The following TRAF1 variants were observed in gnomAD, a reference collection of about 807,000 sequenced individuals.
The protein encoded by TRAF1 is TNF receptor-associated factor 1.
TRAF1 carries 23 observed loss-of-function variants against 40.9 expected under a neutral mutation model. The observed-to-expected ratio is 0.56, with a 90% CI of 0.40 to 0.80. The LOEUF (loss-of-function observed/expected upper bound fraction) is 0.80. Among genes scored for constraint, TRAF1 ranks in the 30% least tolerant of loss-of-function variants. The pLI is 0.00. For synonymous variants in TRAF1, 206 were observed against 218.8 expected, an observed-to-expected ratio of 0.94 and a Z score of 0.52; for missense variants, 477 against 528.7, an observed-to-expected ratio of 0.90 and a Z score of 0.96.
Position 120,904,864 on chromosome 9 carries a change from G to A in TRAF1, c.*156C>T, listed in dbSNP as rs1228329298. ...AGCCCACGTCCTGCCATCCTAACCA[G>A]ATGGCCAGCCCGAAGTCGACCCCTC... On this transcript the variant is annotated 3_prime_UTR_variant, in exon 8 of 8. Coordinates refer to ENST00000373887, the MANE Select transcript of TRAF1 (RefSeq NM_005658.5). 1 of 767,964 alleles carries A rather than the reference G, an allele frequency of 1.3e-6. No individual in the cohort carries two copies. Among genetic ancestry groups the A allele is most frequent in the East Asian group, 2.7e-5 (1 of 37,232 alleles). The allele number at this position is 767,964 out of a possible 1,614,324, so 47.6% of individuals were successfully genotyped here.
chr9:120,928,753 A>T (rs2046656626), upstream of TRAF1: 1 of 152,234 alleles, frequency 6.6e-6, no homozygotes, highest in Non-Finnish European at 1.5e-5. Flanking sequence ...TGCCGGCGCC[A>T]GCACAGCCCC....
At chr9:120,907,073 G>T (rs1375914217) in intron 7 of TRAF1, among the ~76,000 whole-genome samples, 2 of 152,046 alleles carry the variant, frequency 1.3e-5, no homozygotes, top group African/African-American at 4.8e-5. Flanking sequence ...TTTCGTTATG[G>T]CTGGCCTCGA....
At chr9:120,915,559 C>G (rs2046563649) in intron 3 of TRAF1, among the ~76,000 whole-genome samples, 1 of 152,174 alleles carries the variant, frequency 6.6e-6, no homozygotes, top group Non-Finnish European at 1.5e-5. Flanking sequence ...CAGCCAGGCT[C>G]AGTGGCTCAA....
chr9:120,909,094 T>A, intron 7 of TRAF1, 136 bp downstream of exon 7: 5 of 1,154,034 alleles, frequency 4.3e-6, no homozygotes, highest in Non-Finnish European at 6.1e-6. Context: ...ATCTGATTGT[T>A]TTATAAAAAG....
At chr9:120,905,280 C>T (rs1182306369) in intron 7 of TRAF1, 42 bp from the exon 8 acceptor site, 5 of 1,558,474 alleles carry the variant, frequency 3.2e-6, no homozygotes, top group South Asian at 1.2e-5. Flanking sequence ...CCTACAGCAG[C>T]AGCGCAGCTT....
intron 3 of TRAF1, chr9:120,914,589 C>T (rs879793869): frequency 9.3e-6 from 10 of 1,080,188 alleles, no homozygotes; most frequent in Admixed American, 5.3e-5. Flanking sequence ...TCTCTGGTTG[C>T]CCCGACTGGT....
In TRAF1 at chr9:120,916,643, G is replaced by A. The variant is rs551988149; in HGVS notation, c.229-2343C>T. ...GCTGTGGGCTTAATGAGTACAGTTG[G>A]GTTGAGACACAGAACACAGCCCAGC... is the stretch of plus-strand genomic sequence containing the variant. On this transcript the variant is annotated intron_variant, in intron 3 of 7. Transcript: ENST00000373887. 9.2e-5 allele frequency among the ~76,000 whole-genome samples: 14 copies of A among 152,188 alleles called. No homozygotes were observed. The East Asian group carries it at 2.5e-3, about 27-fold the overall frequency.
chr9:120,914,100 G>A (rs954066656), intron 4 of TRAF1, 135 bp downstream of exon 4: 19 of 737,482 alleles, frequency 2.6e-5, no homozygotes, highest in Non-Finnish European at 3.9e-5. Context: ...TGATGCTTGG[G>A]AAAGTCATTA....
At chr9:120,911,551 C>CTTG in intron 5 of TRAF1, 38 bp from the exon 6 acceptor site, 5 of 1,590,228 alleles carry the variant, frequency 3.1e-6, no homozygotes, top group Non-Finnish European at 4.3e-6. Context: ...CACCAGAACC[C>CTTG]GGCTTGGGGA....
upstream of TRAF1, chr9:120,928,139 C>G (rs991161991): frequency 6.6e-6 from 1 of 152,286 alleles, no homozygotes; most frequent in Non-Finnish European, 1.5e-5. Flanking sequence ...ATCATCCCCA[C>G]CTTACAGATG....
intron 3 of TRAF1, among the ~76,000 whole-genome samples, chr9:120,917,765 T>A (rs747879078): frequency 6.6e-6 from 1 of 151,994 alleles, no homozygotes; most frequent in African/African-American, 2.4e-5. Flanking sequence ...CTCATCTCCC[T>A]CTTCTGAGGA....
chr9:120,911,413 A>T lies in TRAF1; in HGVS notation c.806T>A (p.Phe269Tyr). The change falls in exon 6 of 8, where the codon TTC becomes TAC. Residue 269 changes from phenylalanine (F) to tyrosine (Y), a missense_variant. Physicochemically the swap from Phe to Tyr is conservative, Grantham distance 22. Coordinates refer to ENST00000373887, the MANE Select transcript of TRAF1 (RefSeq NM_005658.5). ...LMEEASFDGT[F>Y]LWKITNVTRR... ...GGTGACATTGGTGATCTTCCACAGG[A>T]AAGTGCCATCGAAGGAGGCCTCCTC... 6.2e-7 allele frequency: 1 copy of T among 1,613,688 alleles called. No individual in the cohort carries two copies. The highest frequency in any genetic ancestry group is 2.2e-5 in the East Asian group (1 of 44,882).
chr9:120,914,601 G>C (rs771949205), intron 3 of TRAF1: 2 of 1,055,140 alleles, frequency 1.9e-6, no homozygotes, highest in African/African-American at 3.3e-5. Flanking sequence ...CCGACTGGTC[G>C]GGGGGGCTCT....
At chr9:120,905,373 G>A in intron 7 of TRAF1, 135 bp from the exon 8 acceptor site, 1 of 1,002,920 alleles carries the variant, frequency 1.0e-6, no homozygotes, top group Non-Finnish European at 1.4e-6. Flanking sequence ...TTTGGATTAG[G>A]AGTCAGAGAA....
chr9:120,917,432 T>C (rs1401463768), intron 3 of TRAF1, among the ~76,000 whole-genome samples: 2 of 152,180 alleles, frequency 1.3e-5, no homozygotes, highest in African/African-American at 2.4e-5. Context: ...AAAATGGGGA[T>C]AATAATAATA....
At chr9:120,905,888 C>T (rs2046477284) in intron 7 of TRAF1, among the ~76,000 whole-genome samples, 1 of 152,224 alleles carries the variant, frequency 6.6e-6, no homozygotes, top group Non-Finnish European at 1.5e-5. Context: ...TCACCCTGCA[C>T]ATTAGGACCC....
In TRAF1 at chr9:120,905,003, C is replaced by T. The variant is rs758612772; in HGVS notation, c.*17G>A. 6.2e-7 allele frequency: 1 copy of T among 1,607,866 alleles called. No homozygotes were observed. On this transcript the variant is annotated 3_prime_UTR_variant, in exon 8 of 8. Transcript: ENST00000373887. ...GCTCCCTTCTGAGTTGGAGCTCCCT[C>T]AGGAGCCCCGCCCACCCTAAGTGCT...
intron 2 of TRAF1, among the ~76,000 whole-genome samples, chr9:120,924,380 C>A (rs915283449): frequency 6.6e-6 from 1 of 152,126 alleles, no homozygotes; most frequent in Non-Finnish European, 1.5e-5. Context: ...TAATGGGTAA[C>A]ACCTGGGTAC....
chr9:120,910,500 A>T (rs2131621852), intron 6 of TRAF1, among the ~76,000 whole-genome samples: 1 of 152,260 alleles, frequency 6.6e-6, no homozygotes, highest in East Asian at 1.9e-4. Context: ...TCCTTAAGCC[A>T]TCCTCCCATC....
Sources: allele counts gnomAD v4.1 joint callset (sites outside exome capture counted in the v4.1 genomes callset), GRCh38; gene constraint gnomAD v4.1.1; transcripts MANE v1.5; gene names NCBI Gene and HGNC (gene_info 2026-07-23, HGNC 2026-07-21).